Variants in AKAP8 observed in about 807,000 individuals in gnomAD.
The protein encoded by AKAP8 is A-kinase anchor protein 8.
Under a neutral mutation model 67.5 loss-of-function variants are expected in AKAP8, and 24 were observed. The observed-to-expected ratio is 0.36, with a 90% CI of 0.26 to 0.50. The LOEUF (loss-of-function observed/expected upper bound fraction) is 0.50. AKAP8 is among the 20% of genes least tolerant of loss of function. AKAP8 has a pLI of 0.97. For synonymous variants in AKAP8, 400 were observed against 371.1 expected (o/e 1.08, Z -0.90); for missense variants, 971 against 955.9 (o/e 1.02, Z -0.21).
At chr19:15,367,727 C>G (rs1336637798) in intron 9 of AKAP8, among the ~76,000 whole-genome samples, 1 of 152,200 alleles carries the variant, frequency 6.6e-6, no homozygotes, top group Non-Finnish European at 1.5e-5. Context: ...TATTGTGGGA[C>G]AAAATCTTGA....
intron 2 of AKAP8, 32 bp downstream of exon 2, chr19:15,376,944 C>G: frequency 1.9e-6 from 3 of 1,604,978 alleles, no homozygotes; most frequent in Non-Finnish European, 1.7e-6. Flanking sequence ...AGGGGAAGCC[C>G]ACGCCTCACC....
At position 15,355,208 on chromosome 19, in the gene AKAP8, C is replaced by T. The variant is rs61757661; in HGVS notation, c.1786G>A (p.Ala596Thr). ...GCCGGCTCCCCGCTGCTCTCTGGAGCGGGCGCTCCTTCCCCATCTACGGCC... is the reference window on the plus strand; with the variant it reads ...GCCGGCTCCCCGCTGCTCTCTGGAGTGGGCGCTCCTTCCCCATCTACGGCC... The part of the protein sequence containing the change: ...VRAVDGEGAP[A>T]PESSGEPAED... Residue 596 changes from alanine to threonine, a missense_variant, in exon 14 of 14, where the codon GCT becomes ACT. Around this residue, in one of 3 missense-constraint regions of AKAP8, gnomAD observed 204 missense variants for 193.0 expected, o/e 1.06. Coordinates refer to ENST00000269701, the MANE Select transcript of AKAP8 (RefSeq NM_005858.4). 2.3e-5 allele frequency: 37 copies of T among 1,611,260 alleles called. 1 individual carries two copies. Among genetic ancestry groups the T allele is most frequent in the Non-Finnish European group, 2.6e-5 (31 of 1,180,036 alleles).
rs1411056039 is a variant in AKAP8, at chr19:15,368,145, C to G, written c.1160+90G>C. The G allele has an allele frequency of 1.6e-5, 25 of 1,543,726 alleles. No individual in the cohort carries two copies. In the Admixed American group the frequency reaches 3.5e-4, roughly 22 times the overall value. ...CAGAGGAGTCAGGCCACCAGGCCCC[C>G]AGCATTGTGGAGCGAGGACAGGTGA... is the stretch of plus-strand genomic sequence containing the variant. On this transcript the variant is annotated intron_variant, in intron 9 of 13. Coordinates refer to ENST00000269701, the MANE Select transcript of AKAP8 (RefSeq NM_005858.4).
In AKAP8 at chr19:15,373,300, G is replaced by T. The variant is rs1175966049; in HGVS notation, c.412C>A (p.Pro138Thr). ...TAGGGGTTGTGCTCCGGCAGGCAGG[G>T]CCTGGAGTCATAGGACTCGAACGGC... is the stretch of plus-strand genomic sequence containing the variant. The part of the protein sequence containing the change: ...FQPFESYDSR[P>T]CLPEHNPYRP... The change falls in exon 5 of 14, where the codon CCC becomes ACC. Residue 138 changes from proline (P) to threonine (T), a missense_variant. By Grantham distance (38) the Pro-to-Thr change is conservative. Around this residue, in one of 3 missense-constraint regions of AKAP8, gnomAD observed 763 missense variants for 745.4 expected, o/e 1.02. Transcript: ENST00000269701. 6.2e-7 allele frequency: 1 copy of T among 1,613,184 alleles called. No individual in the cohort carries two copies. Among genetic ancestry groups the T allele is most frequent in the African/African-American group, 1.3e-5 (1 of 74,934 alleles).
At position 15,355,155 on chromosome 19, in the gene AKAP8, C is replaced by T. The variant is rs140661207; in HGVS notation, c.1839G>A (p.Ala613=). The change falls in exon 14 of 14, where the codon GCG becomes GCA. Residue 613 remains alanine, a synonymous_variant. Transcript: ENST00000269701. ...PAEDEGPTDT[A]EAGSDPQAEQ... ...CGGCTTGAGGATCACTACCGGCCTC[C>T]GCTGTGTCCGTGGGGCCTTCGTCCT... is the stretch of plus-strand genomic sequence containing the variant. 183 of 1,612,874 alleles carry T rather than the reference C, an allele frequency of 1.1e-4. No homozygotes were observed. Among genetic ancestry groups the T allele is most frequent in the East Asian group, 1.6e-4 (7 of 44,888 alleles).
At position 15,354,890 on chromosome 19, in the gene AKAP8, C is replaced by A. The variant is rs761601749; in HGVS notation, c.*25G>T. On this transcript the variant is annotated 3_prime_UTR_variant, in exon 14 of 14. Coordinates refer to ENST00000269701, the MANE Select transcript of AKAP8 (RefSeq NM_005858.4). Reference sequence around the variant, plus strand: ...ACCAACGCATCCATCATCCCAACGCCTTCCCTGGAACAGGGAAATGAGCAT... The same window carrying A: ...ACCAACGCATCCATCATCCCAACGCATTCCCTGGAACAGGGAAATGAGCAT... 2 of 1,608,222 alleles carry A rather than the reference C, an allele frequency of 1.2e-6. No individual in the cohort carries two copies. The highest frequency in any genetic ancestry group is 2.2e-5 in the South Asian group (2 of 90,976).
chr19:15,375,579 T>G (rs535525826), intron 2 of AKAP8, among the ~76,000 whole-genome samples: 168 of 151,756 alleles, frequency 1.1e-3, no homozygotes, highest in African/African-American at 3.9e-3. Flanking sequence ...GTGAATAATA[T>G]CACATCAACA....
intron 9 of AKAP8, among the ~76,000 whole-genome samples, chr19:15,364,081 TAAA>T (rs1967026593): frequency 8.2e-5 from 1 of 12,266 alleles, no homozygotes; most frequent in Non-Finnish European, 1.5e-4. Context: ...AATAAATAAA[TAAA>T]TAAATAAATA....
Position 15,373,958 on chromosome 19 carries a change from C to A in AKAP8, c.199G>T (p.Gly67Cys). The A allele has an allele frequency of 6.2e-7, 1 of 1,613,800 alleles. No individual in the cohort carries two copies. The highest frequency in any genetic ancestry group is 1.1e-5 in the South Asian group (1 of 91,068). ...ATGGCAGGGGCCCCGGCCGCCAGGC[C>A]GCCATCATTGGCCTTGGCGGCCTCC... Reference protein sequence around the residue: ...SWEAAKANDGGLAAGAPAMHM... With the variant: ...SWEAAKANDGCLAAGAPAMHM... Residue 67 changes from glycine to cysteine, a missense_variant, in exon 4 of 14, where the codon GGC (glycine) becomes TGC (cysteine). Gly to Cys is a radical substitution (Grantham distance 159). This residue lies in a region of AKAP8 where 763 missense variants were observed against 745.4 expected (regional missense o/e 1.02). Coordinates refer to ENST00000269701, the MANE Select transcript of AKAP8 (RefSeq NM_005858.4).
intron 13 of AKAP8, among the ~76,000 whole-genome samples, 188 bp from the exon 14 acceptor site, chr19:15,355,558 GC>G (rs1367498583): frequency 9.5e-6 from 1 of 105,276 alleles, no homozygotes; most frequent in Non-Finnish European, 2.0e-5. Flanking sequence ...GAGATATTCT[GC>G]AATTTTTTTT....
intron 9 of AKAP8, among the ~76,000 whole-genome samples, chr19:15,366,318 T>A (rs566811899): frequency 6.6e-6 from 1 of 152,030 alleles, no homozygotes; most frequent in East Asian, 1.9e-4. Context: ...AGTTTAAAAA[T>A]AATTAAAAAG....
rs1347647501 is a variant in AKAP8, at chr19:15,378,424, G to A, written c.19+1289C>T. On this transcript the variant is annotated intron_variant, in intron 1 of 13. Coordinates refer to ENST00000269701, the MANE Select transcript of AKAP8 (RefSeq NM_005858.4). ...CTCCAGTGTGTCTGAAAGGTTTTCG[G>A]CAGGTAGGAAGAGGGGGTAAAAAAA... Among the ~76,000 whole-genome samples the A allele has an allele frequency of 2.0e-5, 3 of 152,234 alleles. No individual in the cohort carries two copies. The East Asian group carries it at 5.8e-4, about 29-fold the overall frequency.
chr19:15,363,182 T>G (rs540948400), intron 9 of AKAP8, among the ~76,000 whole-genome samples: 1 of 149,336 alleles, frequency 6.7e-6, no homozygotes, highest in Non-Finnish European at 1.5e-5. Flanking sequence ...GTCTGGGAAG[T>G]GAGGAGCGTC....
intron 7 of AKAP8, 26 bp from the exon 8 acceptor site, chr19:15,370,205 G>A (rs764335914): frequency 5.0e-6 from 8 of 1,613,748 alleles, no homozygotes; most frequent in African/African-American, 4.0e-5. Flanking sequence ...CACAAAGTCC[G>A]GCAGTGAGCT....
intron 8 of AKAP8, 73 bp from the exon 9 acceptor site, chr19:15,368,395 G>C: frequency 6.2e-7 from 1 of 1,605,342 alleles, no homozygotes; most frequent in Admixed American, 1.7e-5. Context: ...CCTGGTCGGG[G>C]GGCTGCAGCT....
At chr19:15,358,346 T>C (rs970337435) in intron 13 of AKAP8, among the ~76,000 whole-genome samples, 1 of 152,034 alleles carries the variant, frequency 6.6e-6, no homozygotes, top group Non-Finnish European at 1.5e-5. Context: ...AAAATTCTCA[T>C]GTACCTTGGA....
At position 15,369,520 on chromosome 19, in the gene AKAP8, C is replaced by G. The variant is rs1286999189; in HGVS notation, c.1072+626G>C. 1.3e-5 allele frequency among the ~76,000 whole-genome samples: 2 copies of G among 152,208 alleles called. No homozygotes were observed. Among genetic ancestry groups the G allele is most frequent in the African/African-American group, 4.8e-5 (2 of 41,454 alleles). On this transcript the variant is annotated intron_variant, in intron 8 of 13. Coordinates refer to ENST00000269701, the MANE Select transcript of AKAP8 (RefSeq NM_005858.4). The surrounding 1 kb of genome is among the most constrained non-coding windows in gnomAD (Gnocchi z 4.6). ...GGCCGCGGCACCTCAGGCCGCTCTG[C>G]CATGAGGGATTTAAGCCTGCTCTGC...
chr19:15,366,094 T>TG (rs1967063425), intron 9 of AKAP8, among the ~76,000 whole-genome samples: 1 of 146,376 alleles, frequency 6.8e-6, no homozygotes. Flanking sequence ...TTCTTTTTTT[T>TG]TTTTTAAAAA....
rs752618412 is a variant in AKAP8, at chr19:15,369,991, C to T, written c.1072+155G>A. On this transcript the variant is annotated intron_variant, in intron 8 of 13. Coordinates refer to ENST00000269701, the MANE Select transcript of AKAP8 (RefSeq NM_005858.4). The surrounding 1 kb of genome is among the most constrained non-coding windows in gnomAD (Gnocchi z 4.6). ...ACTTTGAAGCAAAGTGTTGGCTGAT[C>T]GCCACGGTCAAGGCCCATCTGGTGG... is the stretch of plus-strand genomic sequence containing the variant. 6.6e-6 allele frequency among the ~76,000 whole-genome samples: 1 copy of T among 152,166 alleles called. No homozygotes were observed. The highest frequency in any genetic ancestry group is 2.1e-4 in the South Asian group (1 of 4,836).
Sources: gnomAD v4.1 joint callset for allele counts (sites outside exome capture counted in the v4.1 genomes callset) on GRCh38, gnomAD v4.1.1 for gene constraint, gnomAD v4.1.1 regional missense constraint, Gnocchi (gnomAD v3.1) non-coding constraint, MANE v1.5 for transcripts, NCBI Gene and HGNC (gene_info 2026-07-23, HGNC 2026-07-21) for gene names.